THOC7: variants seen among roughly 807,000 people sequenced by gnomAD.
THOC7 encodes THO complex subunit 7, also known as NIF3L1-binding protein 1.
THOC7 carries 22 observed loss-of-function variants against 33.1 expected under a neutral mutation model. The observed-to-expected ratio is 0.66, with a 90% CI of 0.47 to 0.95. The LOEUF (loss-of-function observed/expected upper bound fraction) is 0.95, where lower values mean the gene tolerates loss of function less well. THOC7 is among the 40% of genes least tolerant of loss of function. The pLI, the probability that THOC7 is intolerant of heterozygous loss-of-function variation, is 0.00. For missense variants in THOC7, 184 were observed against 245.3 expected, an observed-to-expected ratio of 0.75 and a Z score of 1.67; for synonymous variants, 77 against 76.8, an observed-to-expected ratio of 1.00 and a Z score of -0.01.
upstream of THOC7, chr3:63,863,925 C>A (rs1320278308): frequency 6.5e-6 from 5 of 773,902 alleles, no homozygotes; most frequent in Non-Finnish European, 7.9e-6. Flanking sequence ...CGGCCGCCTG[C>A]TCCGACGCCT....
chr3:63,838,442 G>A lies in THOC7; in HGVS notation c.195C>T (p.Gly65=). The stretch of plus-strand genomic sequence containing the variant: ...TCATATCATATACTAGTAAAGTTTT[G>A]CCCATTGAAAATTCACATTGAGACA... ...STLSQCEFSM[G]KTLLVYDMNL... Residue 65 remains glycine, a synonymous_variant, in exon 3 of 8, where the codon GGC becomes GGT. Transcript: ENST00000295899. 1 of 1,608,574 alleles carries A rather than the reference G, an allele frequency of 6.2e-7. No individual in the cohort carries two copies. Among genetic ancestry groups the A allele is most frequent in the Admixed American group, 1.7e-5 (1 of 58,882 alleles).
upstream of THOC7, chr3:63,863,833 G>A (rs1702310742): frequency 2.5e-6 from 3 of 1,212,490 alleles, no homozygotes; most frequent in Middle Eastern, 3.2e-4. Flanking sequence ...CGCAAGCTGA[G>A]GCGGCGGTTG....
intron 1 of THOC7, chr3:63,863,504 C>A: frequency 8.4e-7 from 1 of 1,184,422 alleles, no homozygotes; most frequent in Non-Finnish European, 1.0e-6. Flanking sequence ...CCCGGCACAC[C>A]CTATAGCCCC....
intron 5 of THOC7, among the ~76,000 whole-genome samples, chr3:63,835,826 T>C (rs1450427441): frequency 6.6e-6 from 1 of 152,092 alleles, no homozygotes; most frequent in Non-Finnish European, 1.5e-5. Flanking sequence ...TCATTCTTAT[T>C]CTTTTTTATG....
At chr3:63,836,979 A>G (rs1701647431) in intron 4 of THOC7, among the ~76,000 whole-genome samples, 1 of 151,968 alleles carries the variant, frequency 6.6e-6, no homozygotes. Context: ...TGACTTTAGA[A>G]CTGATACTAA....
intron 1 of THOC7, among the ~76,000 whole-genome samples, chr3:63,842,094 T>C (rs890238940): frequency 5.9e-5 from 9 of 152,156 alleles, no homozygotes; most frequent in Non-Finnish European, 1.0e-4. Context: ...GATTAAAGTT[T>C]GATGCTGTGG....
intron 1 of THOC7, among the ~76,000 whole-genome samples, chr3:63,856,141 AAAG>A (rs1702111780): frequency 6.6e-6 from 1 of 152,186 alleles, no homozygotes; most frequent in South Asian, 2.1e-4. Flanking sequence ...CACTGATATA[AAAG>A]AATAAGGTAG....
At chr3:63,857,664 A>G (rs1216585865) in intron 1 of THOC7, among the ~76,000 whole-genome samples, 1 of 152,254 alleles carries the variant, frequency 6.6e-6, no homozygotes, top group East Asian at 1.9e-4. Context: ...TGGAAGGAAC[A>G]ATAAGATGGT....
intron 1 of THOC7, among the ~76,000 whole-genome samples, chr3:63,843,832 C>T (rs561507809): frequency 2.5e-4 from 38 of 151,568 alleles, no homozygotes; most frequent in Non-Finnish European, 4.7e-4. Context: ...ACCCGGGAGG[C>T]GGAGCTTGCA....
intron 1 of THOC7, among the ~76,000 whole-genome samples, chr3:63,859,852 G>C (rs1241635684): frequency 6.6e-6 from 1 of 152,230 alleles, no homozygotes; most frequent in East Asian, 1.9e-4. Flanking sequence ...AGGATTGTCT[G>C]AAGAAGTTGT....
At chr3:63,853,776 C>T (rs1447557743) in intron 1 of THOC7, among the ~76,000 whole-genome samples, 2 of 151,820 alleles carry the variant, frequency 1.3e-5, no homozygotes, top group Non-Finnish European at 2.9e-5. Context: ...GGCATAGTGG[C>T]GGGCGCCTGT....
At chr3:63,838,825 A>C (rs1701692675) in intron 2 of THOC7, among the ~76,000 whole-genome samples, 1 of 152,220 alleles carries the variant, frequency 6.6e-6, no homozygotes, top group Admixed American at 6.5e-5. Flanking sequence ...CTGTTCCCAC[A>C]ATTTTTTCAC....
chr3:63,834,034 C>A lies in THOC7; in HGVS notation c.*98G>T. 3.2e-6 allele frequency: 4 copies of A among 1,234,838 alleles called. No homozygotes were observed. Among genetic ancestry groups the A allele is most frequent in the South Asian group, 1.4e-5 (1 of 69,260 alleles). The allele number at this position is 1,234,838 out of a possible 1,614,324, so 76.5% of individuals were successfully genotyped here. ...TACTTAAAAACAGAGTATTTTACTG[C>A]CAAAACTTTAAATATCTCAAGAGCA... On this transcript the variant is annotated 3_prime_UTR_variant, in exon 8 of 8. Transcript: ENST00000295899.
intron 1 of THOC7, among the ~76,000 whole-genome samples, chr3:63,847,214 T>G (rs1478812757): frequency 6.6e-6 from 1 of 152,134 alleles, no homozygotes; most frequent in Non-Finnish European, 1.5e-5. Context: ...TTCCTATAAA[T>G]CTGGTATGTA....
upstream of THOC7, chr3:63,863,879 G>A: frequency 3.4e-6 from 4 of 1,180,548 alleles, no homozygotes; most frequent in Non-Finnish European, 4.2e-6. Context: ...AATGCAGCCG[G>A]GTAAACAGCC....
At chr3:63,863,408 C>G (rs926778817) in intron 1 of THOC7, 1 of 1,063,336 alleles carries the variant, frequency 9.4e-7, no homozygotes, top group Non-Finnish European at 1.1e-6. Context: ...CTAGACAAAC[C>G]CGGACTCCCT....
chr3:63,844,888 C>A (rs535639795), intron 1 of THOC7: 31 of 511,080 alleles, frequency 6.1e-5, no homozygotes, highest in Non-Finnish European at 9.1e-5. Flanking sequence ...CAGAGTAAGA[C>A]GGAAAATTGT....
At chr3:63,838,184 AT>A in intron 3 of THOC7, 122 bp from the exon 4 acceptor site, 2 of 1,029,500 alleles carry the variant, frequency 1.9e-6, no homozygotes, top group Non-Finnish European at 2.8e-6. Flanking sequence ...TTTTTAAAAA[AT>A]AGCTGTAACC....
At chr3:63,850,499 C>G (rs893018700) in intron 1 of THOC7, among the ~76,000 whole-genome samples, 7 of 151,308 alleles carry the variant, frequency 4.6e-5, no homozygotes, top group Admixed American at 1.3e-4. Flanking sequence ...CCATGCCTGG[C>G]CTCTGCTTTA....
Sources: allele counts gnomAD v4.1 joint callset (sites outside exome capture counted in the v4.1 genomes callset), GRCh38; gene constraint gnomAD v4.1.1; transcripts MANE v1.5; gene names NCBI Gene and HGNC (gene_info 2026-07-23, HGNC 2026-07-21).